ATP2C2: variants seen among roughly 807,000 people sequenced by gnomAD.
ATP2C2 encodes the protein ATPase secretory pathway Ca2+ transporting 2.
A neutral mutation model predicts 110.8 loss-of-function variants in ATP2C2; 171 were observed. That is an observed-to-expected ratio of 1.54 (90% CI 1.36 to 1.75). The LOEUF (loss-of-function observed/expected upper bound fraction) is 1.75, where lower values mean the gene tolerates loss of function less well. ATP2C2 is among the 40% of genes most tolerant of loss of function. The pLI, the probability that ATP2C2 is intolerant of heterozygous loss-of-function variation, is 0.00. For missense variants in ATP2C2, 1,963 were observed against 1,235.0 expected (o/e 1.59, Z -8.84); for synonymous variants, 804 against 508.4 (o/e 1.58, Z -7.82).
intron 11 of ATP2C2, among the ~76,000 whole-genome samples, chr16:84,427,894 C>T (rs764671107): frequency 2.0e-5 from 3 of 152,110 alleles, no homozygotes; most frequent in Non-Finnish European, 4.4e-5. Context: ...TCTGCATACA[C>T]TAACCACCAT....
At chr16:84,389,011 C>G (rs960719169) in intron 1 of ATP2C2, among the ~76,000 whole-genome samples, 1 of 152,084 alleles carries the variant, frequency 6.6e-6, no homozygotes, top group African/African-American at 2.4e-5. Flanking sequence ...ACCTCGTGAT[C>G]CACCCAAAGT....
chr16:84,397,092 T>G (rs1905030427), intron 1 of ATP2C2, among the ~76,000 whole-genome samples: 2 of 151,950 alleles, frequency 1.3e-5, no homozygotes, highest in African/African-American at 4.8e-5. Context: ...AAAAGATGAT[T>G]ATCACATCCT....
At chr16:84,427,529 C>G (rs1360706585) in intron 11 of ATP2C2, among the ~76,000 whole-genome samples, 1 of 152,058 alleles carries the variant, frequency 6.6e-6, no homozygotes. Flanking sequence ...CCAGTCTGGC[C>G]AACATGGTGA....
At chr16:84,440,658 T>C (rs247901) in intron 13 of ATP2C2, among the ~76,000 whole-genome samples, 199 bp from the exon 14 acceptor site, 39,653 of 152,216 alleles carry the variant, frequency 0.26, 5,450 homozygotes, top group East Asian at 0.33. Flanking sequence ...TGCTGCAACT[T>C]ACTCATGCCT....
chr16:84,451,185 C>A (rs558469393), intron 17 of ATP2C2, among the ~76,000 whole-genome samples: 190 of 152,232 alleles, frequency 1.2e-3, no homozygotes, highest in African/African-American at 4.5e-3. Context: ...AGAGCCAAGC[C>A]TAAGGGGAAA....
Position 84,428,722 on chromosome 16 carries a change from T to C in ATP2C2, c.986+2921T>C, listed in dbSNP as rs144846679. Among the ~76,000 whole-genome samples the C allele has an allele frequency of 4.6e-5, 7 of 152,198 alleles. No individual in the cohort carries two copies. The East Asian group carries it at 7.7e-4, about 17-fold the overall frequency. On this transcript the variant is annotated intron_variant, in intron 11 of 26. Transcript: ENST00000262429. ...CCTTAAAGAAAAAAAAATCCTGTAA[T>C]GAGACACACAAGACATTCAAACCAC...
At chr16:84,423,059 A>T (rs1028671399) in intron 9 of ATP2C2, 129 bp from the exon 10 acceptor site, 3 of 734,536 alleles carry the variant, frequency 4.1e-6, no homozygotes, top group Admixed American at 2.5e-5. Context: ...AAGTCAATGA[A>T]TGTTGACATA....
intron 10 of ATP2C2, among the ~76,000 whole-genome samples, chr16:84,424,322 A>C (rs2150547358): frequency 6.6e-6 from 1 of 152,304 alleles, no homozygotes; most frequent in East Asian, 1.9e-4. Flanking sequence ...TCTGTTGCCC[A>C]GACTGGAGAG....
intron 6 of ATP2C2, among the ~76,000 whole-genome samples, chr16:84,413,073 G>T (rs534102941): frequency 6.7e-6 from 1 of 149,246 alleles, no homozygotes; most frequent in Non-Finnish European, 1.5e-5. Context: ...ACTCCAGCCT[G>T]TGCGATAAGA....
chr16:84,432,960 C>T (rs1208667064), intron 11 of ATP2C2, among the ~76,000 whole-genome samples: 1 of 152,222 alleles, frequency 6.6e-6, no homozygotes, highest in Non-Finnish European at 1.5e-5. Context: ...GAGGCCAAGA[C>T]ACCCGAACAG....
Position 84,422,530 on chromosome 16 carries a change from G to C in ATP2C2, c.765G>C (p.Gly255=). The C allele has an allele frequency of 6.2e-7, 1 of 1,614,058 alleles. No homozygotes were observed. Among genetic ancestry groups the C allele is most frequent in the South Asian group, 1.1e-5 (1 of 91,064 alleles). ...IVFMGTLVQY[G]RGQGVVIGTG... ...TCATGGGGACCCTGGTGCAGTATGG[G>C]AGGGGCCAGGTAAGCCCTGGGACAC... Residue 255 remains glycine, a synonymous_variant, in exon 8 of 27, where the codon GGG becomes GGC. Coordinates refer to ENST00000262429, the MANE Select transcript of ATP2C2 (RefSeq NM_014861.4).
intron 23 of ATP2C2, chr16:84,460,347 T>TGGGGG: frequency 5.1e-6 from 2 of 388,652 alleles, no homozygotes; most frequent in South Asian, 2.5e-5. Flanking sequence ...GGCGCAACGT[T>TGGGGG]GGGGGGGGTC....
intron 7 of ATP2C2, among the ~76,000 whole-genome samples, chr16:84,416,918 G>T (rs1318067161): frequency 1.0e-5 from 1 of 98,944 alleles, no homozygotes; most frequent in Non-Finnish European, 2.4e-5. Context: ...CTCCCGAGAA[G>T]GGGGGTCCTA....
chr16:84,448,786 G>A lies in ATP2C2; in HGVS notation c.1660+97G>A, dbSNP rs150675050. The stretch of plus-strand genomic sequence containing the variant: ...GGGTCCCTAGTCAAGGAGGTCACCC[G>A]TCCCAAGGAGTCAGGCAGCATGCTG... On this transcript the variant is annotated intron_variant, in intron 17 of 26. Coordinates refer to ENST00000262429, the MANE Select transcript of ATP2C2 (RefSeq NM_014861.4). The A allele has an allele frequency of 2.4e-4, 360 of 1,472,598 alleles. 4 individuals are homozygous for A. In the African/African-American group the frequency reaches 3.8e-3, roughly 16 times the overall value. The allele number at this position is 1,472,598 out of a possible 1,614,324, so 91.2% of individuals were successfully genotyped here.
chr16:84,424,532 C>A (rs976044637), intron 10 of ATP2C2, among the ~76,000 whole-genome samples: 6 of 149,810 alleles, frequency 4.0e-5, no homozygotes, highest in Non-Finnish European at 8.8e-5. Context: ...CCCGCCTTGG[C>A]CTCCCAAAGT....
chr16:84,409,689 G>T (rs1384551682), intron 4 of ATP2C2, among the ~76,000 whole-genome samples: 1 of 152,054 alleles, frequency 6.6e-6, no homozygotes, highest in Non-Finnish European at 1.5e-5. Context: ...TTTTAGTAGA[G>T]ATGAGGTTTC....
At chr16:84,421,896 A>G (rs1221401273) in intron 7 of ATP2C2, among the ~76,000 whole-genome samples, 5 of 152,016 alleles carry the variant, frequency 3.3e-5, no homozygotes, top group Non-Finnish European at 7.4e-5. Flanking sequence ...TGTTCTGCAA[A>G]TGTCAGTATC....
chr16:84,405,219 C>G lies in ATP2C2; in HGVS notation c.302C>G (p.Pro101Arg), dbSNP rs572391441. The G allele has an allele frequency of 6.2e-6, 10 of 1,613,928 alleles. No homozygotes were observed. The Admixed American group carries it at 1.5e-4, about 24-fold the overall frequency. The change falls in exon 3 of 27, where the codon CCT becomes CGT. Residue 101 changes from proline (P) to arginine (R), a missense_variant. Coordinates refer to ENST00000262429, the MANE Select transcript of ATP2C2 (RefSeq NM_014861.4). ...WNEFVADNSE[P>R]VWKKYLDQFK... ...GAGTTTGTTGCTGACAACAGCGAAC[C>G]TGTGTGGAAGAAATACCTGGATCAG...
At chr16:84,402,347 A>C (rs1283760216) in intron 2 of ATP2C2, among the ~76,000 whole-genome samples, 1 of 151,970 alleles carries the variant, frequency 6.6e-6, no homozygotes. Context: ...GCTAGAACTT[A>C]CAGTATTCTG....
Sources: allele counts gnomAD v4.1 joint callset (sites outside exome capture counted in the v4.1 genomes callset), GRCh38; gene constraint gnomAD v4.1.1; transcripts MANE v1.5; gene names NCBI Gene and HGNC (gene_info 2026-07-23, HGNC 2026-07-21).